PAK5: variants seen among roughly 807,000 people sequenced by gnomAD.
PAK5 encodes the protein serine/threonine-protein kinase PAK 5.
PAK5 carries 16 observed loss-of-function variants against 65.9 expected under a neutral mutation model. The observed-to-expected ratio is 0.24, with a 90% confidence interval of 0.16 to 0.37. PAK5 has a LOEUF of 0.37. Among genes scored for constraint, PAK5 ranks in the 10% least tolerant of loss-of-function variants. The probability of loss-of-function intolerance (pLI) is 1.00; values close to 1 mark genes in which losing one functional copy is unlikely to be tolerated. For synonymous variants in PAK5, 371 were observed against 354.9 expected, an observed-to-expected ratio of 1.05 and a Z score of -0.51; for missense variants, 785 against 903.9, an observed-to-expected ratio of 0.87 and a Z score of 1.69.
chr20:9,578,763 T>G (rs780588105), intron 4 of PAK5, among the ~76,000 whole-genome samples: 1 of 152,138 alleles, frequency 6.6e-6, no homozygotes, highest in African/African-American at 2.4e-5. Context: ...ATTTTGCTTG[T>G]GGTTAATTAG....
intron 1 of PAK5, among the ~76,000 whole-genome samples, chr20:9,819,888 CA>C (rs1204094808): frequency 6.6e-6 from 1 of 152,112 alleles, no homozygotes; most frequent in Non-Finnish European, 1.5e-5. Context: ...ATTTTGAGAT[CA>C]GTAGGATCTA....
At chr20:9,668,260 T>G (rs1480637748) in intron 2 of PAK5, among the ~76,000 whole-genome samples, 2 of 152,154 alleles carry the variant, frequency 1.3e-5, no homozygotes, top group African/African-American at 4.8e-5. Flanking sequence ...AACCTAAACA[T>G]AAAGCATGTA....
chr20:9,653,133 T>C (rs779490217), intron 2 of PAK5, among the ~76,000 whole-genome samples: 4 of 152,162 alleles, frequency 2.6e-5, no homozygotes, highest in East Asian at 3.9e-4. Flanking sequence ...AGGCACACTT[T>C]AAGGAAAACA....
chr20:9,829,420 TC>T (rs2123786357), intron 1 of PAK5, among the ~76,000 whole-genome samples: 1 of 152,328 alleles, frequency 6.6e-6, no homozygotes, highest in African/African-American at 2.4e-5. Context: ...GCTTCTTGAC[TC>T]TATCTAGCTG....
intron 2 of PAK5, among the ~76,000 whole-genome samples, chr20:9,672,663 T>C (rs959615509): frequency 1.3e-5 from 2 of 152,142 alleles, no homozygotes; most frequent in Admixed American, 1.3e-4. Flanking sequence ...CCTTACAAAT[T>C]ACCCAGTCTC....
chr20:9,709,248 T>A (rs6039556), intron 2 of PAK5, among the ~76,000 whole-genome samples: 102,316 of 151,988 alleles, frequency 0.67, 34,677 homozygotes, highest in East Asian at 0.84. Context: ...TCCTGACTCA[T>A]TTCTCTAAGT....
At chr20:9,702,573 C>A (rs2123465631) in intron 2 of PAK5, among the ~76,000 whole-genome samples, 1 of 152,258 alleles carries the variant, frequency 6.6e-6, no homozygotes, top group South Asian at 2.1e-4. Context: ...GCCATGGTTC[C>A]TTTGCCATCT....
intron 1 of PAK5, among the ~76,000 whole-genome samples, chr20:9,810,444 C>A (rs6118739): frequency 6.6e-6 from 1 of 152,080 alleles, no homozygotes; most frequent in African/African-American, 2.4e-5. Flanking sequence ...AAGTGTGCAC[C>A]TGACGTGGGA....
intron 2 of PAK5, among the ~76,000 whole-genome samples, chr20:9,708,869 C>T (rs1268954964): frequency 1.3e-5 from 2 of 152,102 alleles, no homozygotes; most frequent in Non-Finnish European, 2.9e-5. Flanking sequence ...CCAAAGTTAC[C>T]TAATGTGATT....
At chr20:9,661,265 A>G (rs1183875211) in intron 2 of PAK5, among the ~76,000 whole-genome samples, 1 of 152,136 alleles carries the variant, frequency 6.6e-6, no homozygotes, top group Non-Finnish European at 1.5e-5. Flanking sequence ...AGAAACTAAT[A>G]CCCCAAAATA....
intron 2 of PAK5, among the ~76,000 whole-genome samples, chr20:9,677,628 C>T (rs2047592727): frequency 6.6e-6 from 1 of 152,204 alleles, no homozygotes; most frequent in Non-Finnish European, 1.5e-5. Context: ...TTAACCTCAT[C>T]CAGAATGGCT....
At chr20:9,804,299 C>T (rs2049205332) in intron 1 of PAK5, among the ~76,000 whole-genome samples, 1 of 152,106 alleles carries the variant, frequency 6.6e-6, no homozygotes, top group African/African-American at 2.4e-5. Context: ...ACTGACTCTC[C>T]AAGATCAGCC....
At chr20:9,662,468 A>G (rs1235543070) in intron 2 of PAK5, among the ~76,000 whole-genome samples, 2 of 152,170 alleles carry the variant, frequency 1.3e-5, no homozygotes, top group Non-Finnish European at 2.9e-5. Flanking sequence ...CTCCCTTTGC[A>G]TCCAGGTACT....
intron 3 of PAK5, among the ~76,000 whole-genome samples, chr20:9,585,642 C>T (rs542011260): frequency 7.7e-4 from 117 of 152,282 alleles, no homozygotes; most frequent in African/African-American, 2.7e-3. Flanking sequence ...TATTTCATTA[C>T]CTGTTCTCTT....
At chr20:9,728,074 T>C (rs940098780) in intron 1 of PAK5, among the ~76,000 whole-genome samples, 1 of 152,072 alleles carries the variant, frequency 6.6e-6, no homozygotes, top group Non-Finnish European at 1.5e-5. Flanking sequence ...GTGATAATAT[T>C]AACAAGTGGG....
At chr20:9,690,669 G>C (rs1406685912) in intron 2 of PAK5, among the ~76,000 whole-genome samples, 1 of 151,640 alleles carries the variant, frequency 6.6e-6, no homozygotes, top group African/African-American at 2.4e-5. Flanking sequence ...TTGTCCATCA[G>C]CTCTTATCCA....
Position 9,565,998 on chromosome 20 carries a change from T to A in PAK5, c.1377A>T (p.Ser459=), listed in dbSNP as rs1603213408. The stretch of plus-strand genomic sequence containing the variant: ...CGGTGGCGATGCATACGATGCCGGT[T>A]GAGCCTTCCCCGATTTTGATAAAGT... The part of the protein sequence containing the change: ...LANFIKIGEG[S]TGIVCIATEK... The change falls in exon 5 of 10, where the codon TCA becomes TCT. Residue 459 remains serine, a synonymous_variant. Coordinates refer to ENST00000353224, the MANE Select transcript of PAK5 (RefSeq NM_177990.4). 2 of 1,612,800 alleles carry A rather than the reference T, an allele frequency of 1.2e-6. No individual in the cohort carries two copies. Among genetic ancestry groups the A allele is most frequent in the East Asian group, 2.2e-5 (1 of 44,768 alleles).
chr20:9,824,269 G>A lies in PAK5; in HGVS notation c.-162+14493C>T, dbSNP rs565106895. Among the ~76,000 whole-genome samples, 23 of 152,286 alleles carry A rather than the reference G, an allele frequency of 1.5e-4. No homozygotes were observed. The South Asian group carries it at 3.9e-3, about 26-fold the overall frequency. On this transcript the variant is annotated intron_variant, in intron 1 of 9. Transcript: ENST00000353224. The stretch of plus-strand genomic sequence containing the variant: ...AGAAAGAATATTAAATCTCCAAAAG[G>A]AAGGCCGTGTGTGGTGGCTTATGCC...
intron 1 of PAK5, among the ~76,000 whole-genome samples, chr20:9,774,276 C>T (rs762330140): frequency 6.6e-6 from 1 of 152,128 alleles, no homozygotes; most frequent in Non-Finnish European, 1.5e-5. Context: ...AGAATGAAAG[C>T]TATGATTGGA....
Sources: gnomAD v4.1 joint callset for allele counts (sites outside exome capture counted in the v4.1 genomes callset) on GRCh38, gnomAD v4.1.1 for gene constraint, MANE v1.5 for transcripts, NCBI Gene and HGNC (gene_info 2026-07-23, HGNC 2026-07-21) for gene names.